Variants in ARID1A observed in about 807,000 individuals in gnomAD.
ARID1A encodes the protein AT-rich interaction domain 1A, also known as AT-rich interactive domain-containing protein 1A.
ARID1A carries 20 observed loss-of-function variants against 212.6 expected under a neutral mutation model. The ratio of observed to expected loss-of-function variants is 0.09; its 90% CI spans 0.07 to 0.14. The LOEUF (loss-of-function observed/expected upper bound fraction) is 0.14. ARID1A is among the 10% of genes least tolerant of loss of function. The pLI, the probability that ARID1A is intolerant of heterozygous loss-of-function variation, is 1.00. For missense variants in ARID1A, 2,587 were observed against 3,059.0 expected (o/e 0.85, Z 3.64); for synonymous variants, 1,376 against 1,222.1 (o/e 1.13, Z -2.63).
Position 26,774,884 on chromosome 1 carries a change from C to A in ARID1A, c.4657C>A (p.Pro1553Thr), listed in dbSNP as rs2081118960. 1 of 1,580,250 alleles carries A rather than the reference C, an allele frequency of 6.3e-7. No homozygotes were observed. Among genetic ancestry groups the A allele is most frequent in the Non-Finnish European group, 8.6e-7 (1 of 1,161,902 alleles). Residue 1553 changes from proline to threonine, a missense_variant, in exon 18 of 20, where the codon CCC (proline) becomes ACC (threonine). By Grantham distance (38) the Pro-to-Thr change is conservative. Coordinates refer to ENST00000324856, the MANE Select transcript of ARID1A (RefSeq NM_006015.6). This position sits in a 1 kb window ranked among gnomAD's most constrained non-coding sequence, Gnocchi z 5.6. ...GSWPSHGTRQ[P>T]PYGPSAPVPP... is the part of the protein sequence containing the mutation. ...GTGGCCTTCCCATGGCACACGCCAGCCCCCATATGGTCCCTCTGCCCCTGT... is the reference window on the plus strand; with the variant it reads ...GTGGCCTTCCCATGGCACACGCCAGACCCCATATGGTCCCTCTGCCCCTGT...
intron 1 of ARID1A, among the ~76,000 whole-genome samples, chr1:26,698,818 T>C (rs1330723305): frequency 6.6e-6 from 1 of 152,198 alleles, no homozygotes; most frequent in Non-Finnish European, 1.5e-5. Context: ...GGGATCTTTA[T>C]GGGGGGCCAG....
intron 19 of ARID1A, chr1:26,778,663 TA>T (rs983061573): frequency 1.2e-4 from 21 of 178,734 alleles, no homozygotes; most frequent in African/African-American, 5.0e-4. Context: ...GAGAGTGTCC[TA>T]AAAGAGATAA....
At chr1:26,734,192 C>CT (rs139957410) in intron 4 of ARID1A, among the ~76,000 whole-genome samples, 9,019 of 152,268 alleles carry the variant, frequency 0.059, 363 homozygotes, top group Non-Finnish European at 0.087. Context: ...TAACCACTCC[C>CT]TCATCATCTG....
chr1:26,731,593 C>A lies in ARID1A; in HGVS notation c.1792C>A (p.Pro598Thr), dbSNP rs2124790529. ...AACTGCCTATTCCCAGCAGCGCTTC[C>A]CTCCACCGCAGGTAAGATATCCCTG... ...QQTAYSQQRF[P>T]PPQELSQDSF... Residue 598 changes from proline to threonine, a missense_variant, in exon 3 of 20, where the codon CCT (proline) becomes ACT (threonine). By Grantham distance (38) the Pro-to-Thr change is conservative (BLOSUM62 -1). This residue lies in a region of ARID1A where 674 missense variants were observed against 813.4 expected (regional missense o/e 0.83). Transcript: ENST00000324856. The A allele has an allele frequency of 6.2e-7, 1 of 1,613,712 alleles. No homozygotes were observed. Among genetic ancestry groups the A allele is most frequent in the Admixed American group, 1.7e-5 (1 of 60,002 alleles).
rs2124121436 is a variant in ARID1A, at chr1:26,774,901, T to A, written c.4674T>A (p.Ser1558=). Residue 1558 remains serine, a synonymous_variant, in exon 18 of 20, where the codon TCT becomes TCA. Coordinates refer to ENST00000324856, the MANE Select transcript of ARID1A (RefSeq NM_006015.6). This position sits in a 1 kb window ranked among gnomAD's most constrained non-coding sequence, Gnocchi z 5.6. The part of the protein sequence containing the change: ...HGTRQPPYGP[S]APVPPMTRPP... ...CACGCCAGCCCCCATATGGTCCCTC[T>A]GCCCCTGTGCCCCCCATGACAAGGC... 6.5e-7 allele frequency: 1 copy of A among 1,535,312 alleles called. No individual in the cohort carries two copies. The highest frequency in any genetic ancestry group is 1.2e-5 in the South Asian group (1 of 81,388).
chr1:26,725,852 CTTTTT>C lies in ARID1A; in HGVS notation c.1138-3783_1138-3779del, dbSNP rs71007888. Among the ~76,000 whole-genome samples, 48 of 126,732 alleles carry C rather than the reference CTTTTT, an allele frequency of 3.8e-4. 1 individual carries two copies. In the East Asian group the frequency reaches 9.9e-3, roughly 26 times the overall value. 83.1% of individuals were successfully genotyped at this position (126,732 alleles called of 152,430 possible). On this transcript the variant is annotated intron_variant, in intron 1 of 19. Transcript: ENST00000324856. ...TTCTGAAATTCTCTCTGGTATAAAC[CTTTTT>C]TTTTTTTTTTTTTTTGAGACAGAGT...
rs114438897 is a variant in ARID1A at position 26,752,385 on chromosome 1, A to G, written c.1921-8471A>G. ...GTCCCTACCAGTCTGGGGTGGGTCA[A>G]ATTTCTCTTTCTTACATTTATAGCA... is the stretch of plus-strand genomic sequence containing the variant. On this transcript the variant is annotated intron_variant, in intron 4 of 19. Transcript: ENST00000324856. 1.7e-3 allele frequency among the ~76,000 whole-genome samples: 263 copies of G among 152,310 alleles called. 1 individual carries two copies. The highest frequency in any genetic ancestry group is 5.8e-3 in the African/African-American group (243 of 41,560).
chr1:26,710,528 C>CACACA (rs1553147494), intron 1 of ARID1A, among the ~76,000 whole-genome samples: 1 of 148,198 alleles, frequency 6.7e-6, no homozygotes, highest in Non-Finnish European at 1.5e-5. Flanking sequence ...CACACACACA[C>CACACA]CACTTGTTGT....
At chr1:26,764,147 T>A (rs1353813978) in intron 8 of ARID1A, 1 of 151,974 alleles carries the variant, frequency 6.6e-6, no homozygotes, top group African/African-American at 2.4e-5. Context: ...TTTTTATATT[T>A]TTAGACTGGG....
rs182330116 is a variant in ARID1A at position 26,735,482 on chromosome 1, G to A, written c.1920+2690G>A. Among the ~76,000 whole-genome samples, 34 of 152,230 alleles carry A rather than the reference G, an allele frequency of 2.2e-4. 1 individual carries two copies. The East Asian group carries it at 6.0e-3, about 27-fold the overall frequency. ...TAATTTTTGTATTTTTAGTAGAGACGGGTTTCACCAGGTTGGCCAGGCTGA... is the reference window on the plus strand; with the variant it reads ...TAATTTTTGTATTTTTAGTAGAGACAGGTTTCACCAGGTTGGCCAGGCTGA... On this transcript the variant is annotated intron_variant, in intron 4 of 19. Coordinates refer to ENST00000324856, the MANE Select transcript of ARID1A (RefSeq NM_006015.6).
rs61756316 is a variant in ARID1A at position 26,775,697 on chromosome 1, A to G, written c.5114A>G (p.Asn1705Ser). The G allele has an allele frequency of 5.1e-3, 8,278 of 1,614,174 alleles. 323 individuals carry two copies. In the African/African-American group the frequency reaches 0.088, roughly 17 times the overall value. Residue 1705 changes from asparagine (N) to serine (S), a missense_variant, in exon 19 of 20, where the codon AAC becomes AGC. Physicochemically the swap from Asn to Ser is conservative, Grantham distance 46. Transcript: ENST00000324856. ...GATGACAACAGCATCATGACCTTCA[A>G]CCTCAGTCAGGTGAGTATCAGTGCC... ...LYDDNSIMTF[N>S]LSQLPGLLEL...
intron 4 of ARID1A, chr1:26,753,027 C>T (rs1362828498): frequency 1.3e-5 from 2 of 152,194 alleles, no homozygotes; most frequent in African/African-American, 4.8e-5. Context: ...ATTCTTTATA[C>T]TTAACCTGTT....
chr1:26,696,157 G>A lies in ARID1A; in HGVS notation c.-247G>A, dbSNP rs1360493630. The A allele has an allele frequency of 3.4e-5, 17 of 504,456 alleles. No homozygotes were observed. The highest frequency in any genetic ancestry group is 4.2e-5 in the Non-Finnish European group (15 of 355,538). 31.2% of individuals were successfully genotyped at this position (504,456 alleles called of 1,614,324 possible). On this transcript the variant is annotated 5_prime_UTR_variant, in exon 1 of 20. Coordinates refer to ENST00000324856, the MANE Select transcript of ARID1A (RefSeq NM_006015.6). ...CCGGGTCCCGAGCCTACAGAGCCGG[G>A]AGCAGCTGAGCCGCCGGCGCCTCGG...
chr1:26,721,550 C>T (rs369195219), intron 1 of ARID1A, among the ~76,000 whole-genome samples: 28 of 152,266 alleles, frequency 1.8e-4, no homozygotes, highest in Admixed American at 1.7e-3. Context: ...AGAGAAGTTA[C>T]TTGGTTTCCT....
chr1:26,766,044 G>C (rs2081036468), intron 8 of ARID1A, among the ~76,000 whole-genome samples, 177 bp from the exon 9 acceptor site: 1 of 152,074 alleles, frequency 6.6e-6, no homozygotes, highest in Non-Finnish European at 1.5e-5. Context: ...CCTGTCTCAA[G>C]AAAATAAATT....
At chr1:26,754,013 TAGTC>T (rs1405342263) in intron 4 of ARID1A, among the ~76,000 whole-genome samples, 13 of 152,284 alleles carry the variant, frequency 8.5e-5, no homozygotes, top group Admixed American at 6.5e-4. Flanking sequence ...TTCACTGTGT[TAGTC>T]AGGATGGTCT....
intron 1 of ARID1A, among the ~76,000 whole-genome samples, chr1:26,705,394 C>A (rs2080379469): frequency 6.6e-6 from 1 of 151,854 alleles, no homozygotes; most frequent in Non-Finnish European, 1.5e-5. Context: ...CCCACCTTGG[C>A]CTTCCAAAGT....
intron 4 of ARID1A, among the ~76,000 whole-genome samples, chr1:26,755,734 G>A (rs1335797369): frequency 6.6e-6 from 1 of 151,898 alleles, no homozygotes; most frequent in East Asian, 1.9e-4. Context: ...GTGGTTGGTG[G>A]GTTTTGGTTT....
chr1:26,735,456 G>A (rs1557594647), intron 4 of ARID1A, among the ~76,000 whole-genome samples: 2 of 152,002 alleles, frequency 1.3e-5, no homozygotes, highest in Non-Finnish European at 2.9e-5. Context: ...CCACGCCCAC[G>A]TAATTTTTGT....
Sources: gnomAD v4.1 joint callset for allele counts (sites outside exome capture counted in the v4.1 genomes callset) on GRCh38, gnomAD v4.1.1 for gene constraint, gnomAD v4.1.1 regional missense constraint, Gnocchi (gnomAD v3.1) non-coding constraint, MANE v1.5 for transcripts, NCBI Gene and HGNC (gene_info 2026-07-23, HGNC 2026-07-21) for gene names.